TRHR: variants seen among roughly 807,000 people sequenced by gnomAD.
TRHR encodes thyrotropin-releasing hormone receptor.
A neutral mutation model predicts 28.0 loss-of-function variants in TRHR; 14 were observed. The observed-to-expected ratio is 0.50, with a 90% CI of 0.33 to 0.78. TRHR has a LOEUF of 0.78. Ranked by LOEUF, TRHR falls within the 30% of genes least tolerant of loss-of-function variation. The pLI, the probability that TRHR is intolerant of heterozygous loss-of-function variation, is 0.02. For synonymous variants in TRHR, 176 were observed against 171.9 expected (o/e 1.02, Z -0.18); for missense variants, 438 against 469.5 (o/e 0.93, Z 0.62).
intron 2 of TRHR, among the ~76,000 whole-genome samples, chr8:109,100,295 T>C (rs1356337896): frequency 2.6e-5 from 4 of 152,126 alleles, no homozygotes; most frequent in Admixed American, 2.6e-4. Context: ...CTAGAGATTA[T>C]AAGGGGCTAG....
Position 109,119,157 on chromosome 8 carries a change from G to A in TRHR, c.899G>A (p.Trp300Ter). Reference sequence around the variant, plus strand: ...CTCTCCAGTCCTTTCCAAGAAAATTGGTTTTTGCTCTTTTGCAGAATTTGC... The same window carrying A: ...CTCTCCAGTCCTTTCCAAGAAAATTAGTTTTTGCTCTTTTGCAGAATTTGC... ...SFLSSPFQENWFLLFCRICIY... is the reference protein window; with the variant it reads ...SFLSSPFQEN The change falls in exon 3 of 3, where the codon TGG becomes TAG. Residue 300 changes from tryptophan to a stop codon, truncating the protein, a stop_gained. Coordinates refer to ENST00000518632, the MANE Select transcript of TRHR (RefSeq NM_003301.7). LOFTEE classifies it high-confidence loss of function. 1 of 1,612,752 alleles carries A rather than the reference G, an allele frequency of 6.2e-7. No homozygotes were observed. Among genetic ancestry groups the A allele is most frequent in the Non-Finnish European group, 8.5e-7 (1 of 1,179,236 alleles).
chr8:109,099,241 C>T (rs962331696), intron 2 of TRHR, among the ~76,000 whole-genome samples: 1 of 152,044 alleles, frequency 6.6e-6, no homozygotes, highest in Non-Finnish European at 1.5e-5. Context: ...ATTTGTGAAT[C>T]ATAATAATGG....
At chr8:109,115,792 CTTTA>C (rs1449314317) in intron 2 of TRHR, among the ~76,000 whole-genome samples, 5 of 151,992 alleles carry the variant, frequency 3.3e-5, no homozygotes, top group African/African-American at 9.7e-5. Flanking sequence ...ATTGAATACC[CTTTA>C]TTTCTTTCTC....
At chr8:109,089,530 A>T (rs1307445095) in intron 2 of TRHR, among the ~76,000 whole-genome samples, 1 of 152,148 alleles carries the variant, frequency 6.6e-6, no homozygotes, top group Non-Finnish European at 1.5e-5. Flanking sequence ...AAGGAAACAT[A>T]TACTGCATTT....
intron 2 of TRHR, among the ~76,000 whole-genome samples, chr8:109,091,992 C>T (rs1811523636): frequency 6.6e-6 from 1 of 152,192 alleles, no homozygotes; most frequent in Admixed American, 6.5e-5. Context: ...ATATCTCTAT[C>T]ATTGACTGTG....
chr8:109,103,508 T>C (rs916311043), intron 2 of TRHR, among the ~76,000 whole-genome samples: 4 of 152,186 alleles, frequency 2.6e-5, no homozygotes, highest in Admixed American at 2.6e-4. Flanking sequence ...CATGTGCAAG[T>C]ATAGTGGCTT....
At chr8:109,088,543 C>T (rs1811476937) in intron 2 of TRHR, among the ~76,000 whole-genome samples, 1 of 152,088 alleles carries the variant, frequency 6.6e-6, no homozygotes, top group Non-Finnish European at 1.5e-5. Flanking sequence ...TATTAAGATA[C>T]AAAGAAATAT....
At chr8:109,119,001 T>C (rs1811960312) in intron 2 of TRHR, 47 bp from the exon 3 acceptor site, 4 of 1,610,614 alleles carry the variant, frequency 2.5e-6, no homozygotes, top group Admixed American at 1.7e-5. Context: ...GGGTTTTGTT[T>C]TGTTTTCATT....
chr8:109,096,147 C>G (rs896429575), intron 2 of TRHR, among the ~76,000 whole-genome samples: 13 of 152,212 alleles, frequency 8.5e-5, no homozygotes, highest in African/African-American at 3.1e-4. Context: ...TCGGCTTCCT[C>G]TCACGTGGCT....
chr8:109,119,482 C>T lies in TRHR; in HGVS notation c.*27C>T, dbSNP rs371399354. On this transcript the variant is annotated 3_prime_UTR_variant, in exon 3 of 3. Transcript: ENST00000518632. Reference sequence around the variant, plus strand: ...TCATGAATTAGAAGAAAATGGATGACAAAGAAAATGAGAATCTGTGCAGTC... The same window carrying T: ...TCATGAATTAGAAGAAAATGGATGATAAAGAAAATGAGAATCTGTGCAGTC... 2.5e-6 allele frequency: 4 copies of T among 1,608,642 alleles called. No individual in the cohort carries two copies. The highest frequency in any genetic ancestry group is 3.4e-6 in the Non-Finnish European group (4 of 1,178,342).
At chr8:109,118,830 GCTTTGGCTTTTCCTA>G (rs999785629) in intron 2 of TRHR, among the ~76,000 whole-genome samples, 1 of 151,804 alleles carries the variant, frequency 6.6e-6, no homozygotes, top group African/African-American at 2.4e-5. Context: ...ATAACACACT[GCTTTGGCTTTTCCTA>G]CTTTGGCTTT....
At chr8:109,094,464 C>A (rs79546507) in intron 2 of TRHR, among the ~76,000 whole-genome samples, 2,695 of 152,054 alleles carry the variant, frequency 0.018, 72 homozygotes, top group African/African-American at 0.061. Flanking sequence ...CTGGGTTCAA[C>A]TATATACTTA....
intron 2 of TRHR, among the ~76,000 whole-genome samples, chr8:109,115,242 G>A (rs1324134461): frequency 6.6e-6 from 1 of 152,096 alleles, no homozygotes; most frequent in African/African-American, 2.4e-5. Flanking sequence ...TTGAAGTCAG[G>A]TAGCATGATG....
rs372885608 is a variant in TRHR at position 109,102,781 on chromosome 8, TG to T, written c.789+14482del. ...TTCATTTTTTTAAAAATAAATGAACTGGTGTGGTAGTAAATTACAGCTGATC... is the reference window on the plus strand; with the variant it reads ...TTCATTTTTTTAAAAATAAATGAACTGTGTGGTAGTAAATTACAGCTGATC... On this transcript the variant is annotated intron_variant, in intron 2 of 2. Coordinates refer to ENST00000518632, the MANE Select transcript of TRHR (RefSeq NM_003301.7). Among the ~76,000 whole-genome samples, 308 of 152,208 alleles carry T rather than the reference TG, an allele frequency of 2.0e-3. 1 individual carries two copies. The highest frequency in any genetic ancestry group is 7.0e-3 in the African/African-American group (292 of 41,554).
chr8:109,103,265 A>T (rs115975664), intron 2 of TRHR, among the ~76,000 whole-genome samples: 1,750 of 151,912 alleles, frequency 0.012, 38 homozygotes, highest in African/African-American at 0.041. Flanking sequence ...TTCACAGTCC[A>T]TTTTTTTTCT....
At chr8:109,100,099 A>G (rs1256868027) in intron 2 of TRHR, among the ~76,000 whole-genome samples, 1 of 152,204 alleles carries the variant, frequency 6.6e-6, no homozygotes, top group Non-Finnish European at 1.5e-5. Flanking sequence ...ACACCCTGCC[A>G]TGTTTCCTCT....
intron 2 of TRHR, among the ~76,000 whole-genome samples, chr8:109,091,315 T>C (rs1376530839): frequency 6.6e-6 from 1 of 152,210 alleles, no homozygotes; most frequent in Non-Finnish European, 1.5e-5. Context: ...ATTCTGAGTC[T>C]GGAAGAATGT....
At chr8:109,110,186 T>C (rs1242951494) in intron 2 of TRHR, among the ~76,000 whole-genome samples, 6 of 152,258 alleles carry the variant, frequency 3.9e-5, no homozygotes, top group Admixed American at 1.3e-4. Context: ...AAACTTTTTT[T>C]CCCCATTTCA....
At chr8:109,116,028 T>C (rs1210598930) in intron 2 of TRHR, among the ~76,000 whole-genome samples, 1 of 152,188 alleles carries the variant, frequency 6.6e-6, no homozygotes, top group Non-Finnish European at 1.5e-5. Context: ...TTGAATTTTG[T>C]CAAAGGCCTT....
Sources: allele counts gnomAD v4.1 joint callset (sites outside exome capture counted in the v4.1 genomes callset), GRCh38; gene constraint gnomAD v4.1.1; transcripts MANE v1.5; gene names NCBI Gene and HGNC (gene_info 2026-07-23, HGNC 2026-07-21).